PIGA: variants seen among roughly 807,000 people sequenced by gnomAD.
The protein encoded by PIGA is phosphatidylinositol N-acetylglucosaminyltransferase subunit A.
PIGA carries 3 observed loss-of-function variants against 17.1 expected under a neutral mutation model. The ratio of observed to expected loss-of-function variants is 0.18; its 90% CI spans 0.08 to 0.45. PIGA has a LOEUF of 0.45. PIGA is among the 20% of genes least tolerant of loss of function. The probability of loss-of-function intolerance (pLI) is 0.99; values close to 1 mark genes in which losing one functional copy is unlikely to be tolerated. For missense variants in PIGA, 231 were observed against 374.1 expected, an observed-to-expected ratio of 0.62 and a Z score of 3.16; for synonymous variants, 126 against 135.1, an observed-to-expected ratio of 0.93 and a Z score of 0.47.
chrX:15,321,843 AC>A lies in PIGA; in HGVS notation c.1189-72del, dbSNP rs773179357. The A allele has an allele frequency of 2.6e-5, 25 of 965,016 alleles. No individual in the cohort carries two copies. In the East Asian group the frequency reaches 7.4e-4, roughly 29 times the overall value. 79.5% of individuals were successfully genotyped at this position (965,016 alleles called of 1,213,427 possible). A position where few individuals can be genotyped will look rare whatever the true frequency, so the allele number is the denominator to read the frequency against. On this transcript the variant is annotated intron_variant, in intron 5 of 5. Transcript: ENST00000333590. ...ATCACCTGTCCCATGATAAACAATG[AC>A]CCGATCCTGCAGGAACATTTTATAA...
intron 1 of PIGA, among the ~76,000 whole-genome samples, chrX:15,333,907 G>C (rs1922245229): frequency 9.0e-6 from 1 of 111,497 alleles, no homozygotes; most frequent in Non-Finnish European, 1.9e-5. Flanking sequence ...GTTTATCTCA[G>C]GGGTCCCCTA....
intron 5 of PIGA, 54 bp from the exon 6 acceptor site, chrX:15,321,826 T>C (rs1921828056): frequency 9.3e-7 from 1 of 1,080,161 alleles, no homozygotes; most frequent in Non-Finnish European, 1.3e-6. Context: ...CCATCACCTG[T>C]CCCATGATAA....
chrX:15,329,606 G>A (rs1458257967), intron 2 of PIGA, among the ~76,000 whole-genome samples: 1 of 110,539 alleles, frequency 9.0e-6, no homozygotes, highest in African/African-American at 3.3e-5. Flanking sequence ...CTATTTAAGG[G>A]GGTATGTATT....
At chrX:15,335,397 C>G (rs1922306436) in intron 1 of PIGA, 104 bp downstream of exon 1, 1 of 756,038 alleles carries the variant, frequency 1.3e-6, no homozygotes, top group Admixed American at 5.6e-5. Context: ...CGAACCGGGT[C>G]GGTTTCACCC....
intron 1 of PIGA, among the ~76,000 whole-genome samples, chrX:15,333,596 G>T (rs374001805): frequency 8.9e-6 from 1 of 112,132 alleles, no homozygotes; most frequent in South Asian, 3.7e-4. Flanking sequence ...CAGGAGAACC[G>T]CTTGAACCCG....
At chrX:15,330,082 C>T (rs200948804) in intron 2 of PIGA, among the ~76,000 whole-genome samples, 1 of 87,519 alleles carries the variant, frequency 1.1e-5, no homozygotes, top group Admixed American at 1.2e-4. Flanking sequence ...TGCGAGACTC[C>T]GTCTCAAAAA....
At chrX:15,321,920 G>T in intron 5 of PIGA, 148 bp from the exon 6 acceptor site, 1 of 507,920 alleles carries the variant, frequency 2.0e-6, no homozygotes, top group Non-Finnish European at 3.3e-6. Flanking sequence ...TCATAGTAAT[G>T]ATATCCTTAA....
chrX:15,319,615 G>C lies in PIGA; in HGVS notation c.*1891C>G, dbSNP rs772400499. 1 of 111,525 alleles carries C rather than the reference G, an allele frequency of 9.0e-6. No homozygotes were observed. The highest frequency in any genetic ancestry group is 1.9e-5 in the Non-Finnish European group (1 of 53,098). 9.2% of individuals were successfully genotyped at this position (111,525 alleles called of 1,213,427 possible). On this transcript the variant is annotated 3_prime_UTR_variant, in exon 6 of 6. Transcript: ENST00000333590. ...CACTTTAAAATCAACTAAGTAGCAG[G>C]GTAGAGCAATGTGTTTCCATATACC... is the stretch of plus-strand genomic sequence containing the variant.
In PIGA at chrX:15,319,493, G is replaced by A. The variant is rs1272892235; in HGVS notation, c.*2013C>T. The A allele has an allele frequency of 1.8e-5, 2 of 112,147 alleles. No individual in the cohort carries two copies. The highest frequency in any genetic ancestry group is 3.8e-5 in the Non-Finnish European group (2 of 53,236). 9.2% of individuals were successfully genotyped at this position (112,147 alleles called of 1,213,427 possible). On this transcript the variant is annotated 3_prime_UTR_variant, in exon 6 of 6. Transcript: ENST00000333590. The stretch of plus-strand genomic sequence containing the variant: ...CATTCTGGTCTTTATTTTTGGACAT[G>A]TAGCATGTTTTAACAAATCAGTTTT...
chrX:15,333,573 C>T (rs1188436649), intron 1 of PIGA, among the ~76,000 whole-genome samples: 4 of 111,703 alleles, frequency 3.6e-5, no homozygotes, highest in South Asian at 3.8e-4. Context: ...CCTAGCTACT[C>T]GGGAGGCTGA....
rs16979819 is a variant in PIGA, at chrX:15,325,620, G to T, written c.848+294C>A. ...CTTAAATCACTACACAGTATGGCCT[G>T]GAAATCTGCAAACGCTTCCAGTTAA... is the stretch of plus-strand genomic sequence containing the variant. On this transcript the variant is annotated intron_variant, in intron 3 of 5. Coordinates refer to ENST00000333590, the MANE Select transcript of PIGA (RefSeq NM_002641.4). 1,535 of 191,621 alleles carry T rather than the reference G, an allele frequency of 8.0e-3. 29 individuals carry two copies. Among genetic ancestry groups the T allele is most frequent in the African/African-American group, 0.042 (1,410 of 33,274 alleles). The allele number at this position is 191,621 out of a possible 1,213,427, so 15.8% of individuals were successfully genotyped here.
Position 15,324,788 on chromosome X carries a change from C to T in PIGA, c.1065G>A (p.Leu355=). The T allele has an allele frequency of 8.3e-7, 1 of 1,209,030 alleles. No homozygotes were observed. Among genetic ancestry groups the T allele is most frequent in the East Asian group, 3.0e-5 (1 of 33,840 alleles). The change falls in exon 5 of 6, where the codon TTG becomes TTA. Residue 355 remains leucine, a synonymous_variant. Transcript: ENST00000333590. ...IILCEPSVKS[L]CEGLEKAIFQ... The stretch of plus-strand genomic sequence containing the variant: ...AAATAGCCTTTTCCAATCCTTCACA[C>T]AAAGATTTTACTGAAGGCTCACATA...
intron 5 of PIGA, 58 bp from the exon 6 acceptor site, chrX:15,321,830 A>G: frequency 9.8e-7 from 1 of 1,021,560 alleles, no homozygotes; most frequent in East Asian, 3.1e-5. Context: ...CACCTGTCCC[A>G]TGATAAACAA....
chrX:15,334,294 GA>G (rs1194488786), intron 1 of PIGA, among the ~76,000 whole-genome samples: 1 of 104,791 alleles, frequency 9.5e-6, no homozygotes, highest in Non-Finnish European at 1.9e-5. Context: ...GAGTTCAAGC[GA>G]TTCTCCCACT....
At chrX:15,323,543 T>G (rs779690504) in intron 5 of PIGA, among the ~76,000 whole-genome samples, 2 of 111,154 alleles carry the variant, frequency 1.8e-5, no homozygotes, top group Admixed American at 9.6e-5. Context: ...ATGGGAGAGA[T>G]AGTACAAGAC....
At chrX:15,333,956 A>G (rs781511231) in intron 1 of PIGA, among the ~76,000 whole-genome samples, 1 of 111,547 alleles carries the variant, frequency 9.0e-6, no homozygotes, top group South Asian at 3.7e-4. Flanking sequence ...AATATTTAGT[A>G]CTACTGTACA....
intron 2 of PIGA, chrX:15,328,009 G>T (rs987351135): frequency 9.0e-6 from 1 of 111,670 alleles, no homozygotes; most frequent in Non-Finnish European, 1.9e-5. Context: ...AGAGACTTTC[G>T]ACTGCCATGT....
intron 1 of PIGA, among the ~76,000 whole-genome samples, chrX:15,333,313 C>G (rs1305550874): frequency 8.9e-6 from 1 of 112,653 alleles, no homozygotes; most frequent in Non-Finnish European, 1.9e-5. Flanking sequence ...CTCGAACTAT[C>G]TTTTTGAGAG....
chrX:15,320,974 T>C lies in PIGA; in HGVS notation c.*532A>G, dbSNP rs1921790503. On this transcript the variant is annotated 3_prime_UTR_variant, in exon 6 of 6. Coordinates refer to ENST00000333590, the MANE Select transcript of PIGA (RefSeq NM_002641.4). ...ATGTGCTGGTAACTGATGGACTATC[T>C]TACTCAAGGAACCTGTTAATTACAT... 2 of 113,550 alleles carry C rather than the reference T, an allele frequency of 1.8e-5. No individual in the cohort carries two copies. Among genetic ancestry groups the C allele is most frequent in the African/African-American group, 6.5e-5 (2 of 30,793 alleles). The allele number at this position is 113,550 out of a possible 1,213,427, so 9.4% of individuals were successfully genotyped here. A position where few individuals can be genotyped will look rare whatever the true frequency, so the allele number is the denominator to read the frequency against.
Sources: allele counts gnomAD v4.1 joint callset (sites outside exome capture counted in the v4.1 genomes callset), GRCh38; gene constraint gnomAD v4.1.1; transcripts MANE v1.5; gene names NCBI Gene and HGNC (gene_info 2026-07-23, HGNC 2026-07-21).